NBPF9: variants seen among roughly 807,000 people sequenced by gnomAD.
NBPF9 encodes the protein NBPF family member NBPF9.
A neutral mutation model predicts 97.8 loss-of-function variants in NBPF9; 91 were observed. The observed-to-expected ratio is 0.93, with a 90% CI of 0.79 to 1.11. NBPF9 has a LOEUF of 1.11. Among genes scored for constraint, NBPF9 ranks in the 50% least tolerant of loss-of-function variants. NBPF9 has a pLI of 0.00. For missense variants in NBPF9, 992 were observed against 939.5 expected, an observed-to-expected ratio of 1.06 and a Z score of -0.73; for synonymous variants, 334 against 359.5, an observed-to-expected ratio of 0.93 and a Z score of 0.80.
intron 5 of NBPF9, among the ~76,000 whole-genome samples, chr1:149,089,023 AACC>A (rs1236072442): frequency 1.5e-4 from 23 of 151,174 alleles, no homozygotes; most frequent in Admixed American, 3.3e-4. Context: ...AATGATTAGT[AACC>A]ACCACATGTC....
At chr1:149,083,083 C>T (rs1236237770) in intron 5 of NBPF9, among the ~76,000 whole-genome samples, 3 of 145,244 alleles carry the variant, frequency 2.1e-5, no homozygotes, top group Admixed American at 1.5e-4. Context: ...GCTGGGATTA[C>T]AGGCGTGAGC....
intron 17 of NBPF9, among the ~76,000 whole-genome samples, chr1:149,067,174 G>C (rs2079080698): frequency 7.4e-6 from 1 of 134,990 alleles, no homozygotes; most frequent in South Asian, 2.5e-4. Flanking sequence ...CCCACAAAGG[G>C]AAACTCATCA....
intron 21 of NBPF9, 25 bp from the exon 22 acceptor site, chr1:149,062,290 A>T: frequency 1.5e-6 from 1 of 647,644 alleles, no homozygotes; most frequent in Admixed American, 2.6e-5. Context: ...AAAAGTAAAG[A>T]ATAAGCCAGG....
chr1:149,079,086 C>A lies in NBPF9; in HGVS notation c.414G>T (p.Lys138Asn), dbSNP rs782649184. Residue 138 changes from lysine to asparagine, a missense_variant, in exon 9 of 30, where the codon AAG (lysine) becomes AAT (asparagine). Around this residue, in one of 11 missense-constraint regions of NBPF9, gnomAD observed 109 missense variants for 133.1 expected, o/e 0.82. Coordinates refer to ENST00000584027, the Ensembl canonical transcript of NBPF9. ...GTTCTTGGAGGTCCTGCCCCTGGGACTTGTCCGGCTCATCCGGAGTGAGGA... is the reference window on the plus strand; with the variant it reads ...GTTCTTGGAGGTCCTGCCCCTGGGAATTGTCCGGCTCATCCGGAGTGAGGA... 2.6e-5 allele frequency: 35 copies of A among 1,351,516 alleles called. No homozygotes were observed. In the African/African-American group the frequency reaches 4.9e-4, roughly 19 times the overall value. 83.7% of individuals were successfully genotyped at this position (1,351,516 alleles called of 1,614,324 possible).
chr1:149,074,704 T>C (rs782252206), intron 12 of NBPF9, among the ~76,000 whole-genome samples: 1 of 151,382 alleles, frequency 6.6e-6, no homozygotes, highest in Non-Finnish European at 1.5e-5. Context: ...CATTCTCGGG[T>C]GCGAACTTTC....
chr1:149,055,564 G>C, exon 30 of NBPF9: 1 of 1,560,612 alleles, frequency 6.4e-7, no homozygotes, highest in South Asian at 1.2e-5. Flanking sequence ...CTATGTCTGG[G>C]CTTCCAAATG....
intron 5 of NBPF9, among the ~76,000 whole-genome samples, chr1:149,082,690 AAACAGTTTCCC>A (rs2080585989): frequency 6.9e-6 from 1 of 145,346 alleles, no homozygotes; most frequent in Non-Finnish European, 1.5e-5. Context: ...ATCAAGGCAG[AAACAGTTTCCC>A]AACAGGTTAT....
chr1:149,058,397 C>T (rs1356641474), intron 26 of NBPF9, among the ~76,000 whole-genome samples, 182 bp from the exon 27 acceptor site: 1 of 74,340 alleles, frequency 1.3e-5, no homozygotes, highest in Non-Finnish European at 2.4e-5. Flanking sequence ...CATCTCAGAA[C>T]CAAGGGTGAA....
chr1:149,058,346 T>A lies in NBPF9; in HGVS notation c.2759-131A>T, dbSNP rs1306741403. 3 of 467,384 alleles carry A rather than the reference T, an allele frequency of 6.4e-6. No homozygotes were observed. In the Admixed American group the frequency reaches 9.5e-5, roughly 15 times the overall value. 29.0% of individuals were successfully genotyped at this position (467,384 alleles called of 1,614,324 possible). ...GAACAGGACAATGTGACAGATATACTTCAGGAGGCCTGAAAGCTGGTCATG... is the reference window on the plus strand; with the variant it reads ...GAACAGGACAATGTGACAGATATACATCAGGAGGCCTGAAAGCTGGTCATG... On this transcript the variant is annotated intron_variant, in intron 26 of 29. Coordinates refer to ENST00000584027, the Ensembl canonical transcript of NBPF9.
intron 29 of NBPF9, 117 bp from the exon 30 acceptor site, chr1:149,056,016 T>C (rs1553648839): frequency 1.9e-6 from 3 of 1,588,956 alleles, no homozygotes; most frequent in Non-Finnish European, 2.6e-6. Flanking sequence ...ATAGATCCAT[T>C]AATGAGGTAA....
intron 5 of NBPF9, among the ~76,000 whole-genome samples, chr1:149,083,055 G>A (rs1211595552): frequency 1.2e-4 from 17 of 140,526 alleles, no homozygotes; most frequent in Non-Finnish European, 2.1e-4. Flanking sequence ...GTGATCTGCC[G>A]CCTCAGCCTC....
At chr1:149,101,193 C>A (rs1207621138) in intron 3 of NBPF9, 69 bp downstream of exon 3, 1 of 151,762 alleles carries the variant, frequency 6.6e-6, no homozygotes, top group African/African-American at 2.4e-5. Context: ...TCCAGACCAG[C>A]CTATGCAATG....
downstream of NBPF9, among the ~76,000 whole-genome samples, chr1:149,052,312 G>T (rs587630695): frequency 1.1e-4 from 17 of 152,108 alleles, no homozygotes; most frequent in African/African-American, 4.1e-4. Flanking sequence ...GCTGCAGTTT[G>T]GGAGAAAAAC....
At chr1:149,061,746 C>G (rs2152870402) in intron 22 of NBPF9, 1 of 266,498 alleles carries the variant, frequency 3.8e-6, no homozygotes, top group South Asian at 2.9e-5. Context: ...TTCATGGATG[C>G]AAGAATTTTA....
rs2080150544 is a variant in NBPF9 at position 149,078,954 on chromosome 1, G to A, written c.493+53C>T. On this transcript the variant is annotated intron_variant, in intron 9 of 29. Transcript: ENST00000584027. ...GTCATTGTGAAAGTATGGAGGTCTGGAGCCTCTCATAAGCCTGGGGTTTTG... is the reference window on the plus strand; with the variant it reads ...GTCATTGTGAAAGTATGGAGGTCTGAAGCCTCTCATAAGCCTGGGGTTTTG... 6 of 1,221,156 alleles carry A rather than the reference G, an allele frequency of 4.9e-6. No homozygotes were observed. In the South Asian group the frequency reaches 5.0e-5, roughly 10 times the overall value. 75.6% of individuals were successfully genotyped at this position (1,221,156 alleles called of 1,614,324 possible). A position where few individuals can be genotyped will look rare whatever the true frequency, so the allele number is the denominator to read the frequency against.
At chr1:149,058,857 G>A in intron 26 of NBPF9, 68 bp downstream of exon 26, 1 of 697,942 alleles carries the variant, frequency 1.4e-6, no homozygotes, top group Non-Finnish European at 2.6e-6. Context: ...GGGCCACTTG[G>A]AACAGGAATA....
exon 11 of NBPF9, chr1:149,077,268 G>C (rs3977220): frequency 6.3e-7 from 1 of 1,592,278 alleles, no homozygotes; most frequent in Non-Finnish European, 8.6e-7. Flanking sequence ...TCTACAACCA[G>C]AGTTGAGTTG....
intron 5 of NBPF9, among the ~76,000 whole-genome samples, chr1:149,086,297 C>T (rs1462175569): frequency 6.6e-6 from 1 of 151,448 alleles, no homozygotes; most frequent in African/African-American, 2.4e-5. Flanking sequence ...AAAAAAGAAG[C>T]CAGTGCCCTT....
chr1:149,081,954 A>G lies in NBPF9; in HGVS notation c.175+11T>C. The G allele has an allele frequency of 1.3e-6, 2 of 1,547,326 alleles. No individual in the cohort carries two copies. The highest frequency in any genetic ancestry group is 1.7e-5 in the Admixed American group (1 of 59,472). Reference sequence around the variant, plus strand: ...TCATCACTTTCATGACGGTGAGCCTATAGATCTTACTGTATTTCTTCTGTC... The same window carrying G: ...TCATCACTTTCATGACGGTGAGCCTGTAGATCTTACTGTATTTCTTCTGTC... On this transcript the variant is annotated intron_variant, in intron 7 of 29. Coordinates refer to ENST00000584027, the Ensembl canonical transcript of NBPF9.
Sources: allele counts gnomAD v4.1 joint callset (sites outside exome capture counted in the v4.1 genomes callset), GRCh38; gene constraint gnomAD v4.1.1; regional missense constraint gnomAD v4.1.1; transcripts MANE v1.5; gene names NCBI Gene and HGNC (gene_info 2026-07-23, HGNC 2026-07-21).